Variants in CACNA2D3 observed in about 807,000 individuals in gnomAD.
CACNA2D3 encodes calcium voltage-gated channel auxiliary subunit alpha2delta 3.
CACNA2D3 carries 60 observed loss-of-function variants against 160.6 expected under a neutral mutation model. That is an observed-to-expected ratio of 0.37 (90% confidence interval 0.30 to 0.46). The LOEUF is 0.46. Ranked by LOEUF, CACNA2D3 falls within the 20% of genes least tolerant of loss-of-function variation. The probability of loss-of-function intolerance (pLI) is 1.00; values close to 1 mark genes in which losing one functional copy is unlikely to be tolerated. For missense variants in CACNA2D3, 1,205 were observed against 1,365.0 expected (o/e 0.88, Z 1.85); for synonymous variants, 558 against 492.9 (o/e 1.13, Z -1.75).
intron 2 of CACNA2D3, among the ~76,000 whole-genome samples, chr3:54,277,924 C>G (rs1702783788): frequency 6.6e-6 from 1 of 152,072 alleles, no homozygotes; most frequent in Non-Finnish European, 1.5e-5. Context: ...ATTTGGCTCT[C>G]TATTATTGGT....
chr3:54,763,778 T>TGCATATATATAC lies in CACNA2D3; in HGVS notation c.1247-440_1247-439insGCATATATATAC, dbSNP rs1484587702. On this transcript the variant is annotated intron_variant, in intron 12 of 37. Coordinates refer to ENST00000474759, the MANE Select transcript of CACNA2D3 (RefSeq NM_018398.3). Reference sequence around the variant, plus strand: ...ATATACACATATATATGTATATATGTACATATATATGTATATATATGTACA... The same window carrying TGCATATATATAC: ...ATATACACATATATATGTATATATGTGCATATATATACACATATATATGTATATATATGTACA... Among the ~76,000 whole-genome samples the TGCATATATATAC allele has an allele frequency of 5.0e-3, 120 of 23,822 alleles. 18 individuals carry two copies. Among genetic ancestry groups the TGCATATATATAC allele is most frequent in the South Asian group, 0.026 (25 of 974 alleles). The allele number at this position is 23,822 out of a possible 152,430, so 15.6% of individuals were successfully genotyped here.
chr3:54,741,363 A>G (rs1001522746), intron 11 of CACNA2D3, among the ~76,000 whole-genome samples: 2 of 152,308 alleles, frequency 1.3e-5, no homozygotes, highest in Admixed American at 1.3e-4. Flanking sequence ...CTGCCCCTCA[A>G]GTCCCAAACA....
intron 35 of CACNA2D3, among the ~76,000 whole-genome samples, chr3:55,052,645 G>A (rs1704255719): frequency 1.3e-5 from 2 of 151,896 alleles, no homozygotes; most frequent in East Asian, 3.9e-4. Flanking sequence ...TTCATTTTTG[G>A]TCTCATTTAT....
chr3:54,130,704 G>A (rs1335788802), intron 2 of CACNA2D3, among the ~76,000 whole-genome samples: 2 of 152,184 alleles, frequency 1.3e-5, no homozygotes, highest in African/African-American at 2.4e-5. Context: ...ATATTTTCTT[G>A]TCTTTGCGTG....
At chr3:54,680,800 G>A (rs1700331933) in intron 11 of CACNA2D3, among the ~76,000 whole-genome samples, 4 of 152,144 alleles carry the variant, frequency 2.6e-5, no homozygotes, top group Admixed American at 2.6e-4. Context: ...TAGCTATGTT[G>A]CTGCATTTTG....
chr3:55,066,628 T>A (rs907350884), intron 35 of CACNA2D3, among the ~76,000 whole-genome samples: 1 of 152,160 alleles, frequency 6.6e-6, no homozygotes, highest in Non-Finnish European at 1.5e-5. Flanking sequence ...GAGGCTGTCT[T>A]GAAATCGCAT....
Position 54,768,353 on chromosome 3 carries a change from T to C in CACNA2D3, c.1380+4002T>C, listed in dbSNP as rs562855654. 2.0e-5 allele frequency among the ~76,000 whole-genome samples: 3 copies of C among 152,306 alleles called. No homozygotes were observed. The South Asian group carries it at 6.2e-4, about 32-fold the overall frequency. On this transcript the variant is annotated intron_variant, in intron 13 of 37. Coordinates refer to ENST00000474759, the MANE Select transcript of CACNA2D3 (RefSeq NM_018398.3). ...ATGTATTGTTTTGACCAGGGACACA[T>C]AACCTGATGCTCACGGCAGATATAA...
intron 4 of CACNA2D3, among the ~76,000 whole-genome samples, chr3:54,484,621 T>C (rs958941141): frequency 2.0e-5 from 3 of 152,210 alleles, no homozygotes; most frequent in African/African-American, 7.2e-5. Flanking sequence ...GTGAGAACAT[T>C]CTAAATGGCA....
intron 4 of CACNA2D3, among the ~76,000 whole-genome samples, chr3:54,467,325 A>G (rs1005808613): frequency 2.0e-5 from 3 of 152,220 alleles, no homozygotes; most frequent in South Asian, 4.1e-4. Context: ...GGAACTGGGA[A>G]GAGTCTTGGA....
chr3:54,147,716 T>C (rs1180764438), intron 2 of CACNA2D3, among the ~76,000 whole-genome samples: 2 of 152,256 alleles, frequency 1.3e-5, no homozygotes, highest in African/African-American at 4.8e-5. Context: ...AGCCCTGTAT[T>C]ACTGTTTGCT....
intron 13 of CACNA2D3, among the ~76,000 whole-genome samples, chr3:54,772,328 A>G (rs1418046200): frequency 1.3e-5 from 2 of 151,940 alleles, no homozygotes; most frequent in Non-Finnish European, 2.9e-5. Context: ...TAATGCTTAA[A>G]TAAATAGCTT....
At chr3:54,625,340 G>A (rs938055315) in intron 9 of CACNA2D3, among the ~76,000 whole-genome samples, 3 of 152,248 alleles carry the variant, frequency 2.0e-5, no homozygotes, top group African/African-American at 7.2e-5. Flanking sequence ...ATAGCAGAAA[G>A]AAGAAGGGCA....
Position 54,512,463 on chromosome 3 carries a change from C to T in CACNA2D3, c.544+8809C>T, listed in dbSNP as rs11921167. 7.6e-3 allele frequency among the ~76,000 whole-genome samples: 1,152 copies of T among 152,316 alleles called. 11 individuals carry two copies. Among genetic ancestry groups the T allele is most frequent in the African/African-American group, 0.025 (1,047 of 41,566 alleles). ...AATGATGATAGTGACACCGGGTCCC[C>T]CACAGTGGCATGGCTTATGCCTGGG... is the stretch of plus-strand genomic sequence containing the variant. On this transcript the variant is annotated intron_variant, in intron 5 of 37. Coordinates refer to ENST00000474759, the MANE Select transcript of CACNA2D3 (RefSeq NM_018398.3).
intron 11 of CACNA2D3, among the ~76,000 whole-genome samples, chr3:54,751,032 A>C (rs571792076): frequency 1.1e-4 from 16 of 152,154 alleles, no homozygotes; most frequent in African/African-American, 3.9e-4. Context: ...GGCCTCCCAA[A>C]GTACTGGGAG....
At chr3:54,408,776 G>A (rs751916239) in intron 4 of CACNA2D3, among the ~76,000 whole-genome samples, 4 of 152,030 alleles carry the variant, frequency 2.6e-5, no homozygotes, top group East Asian at 1.9e-4. Flanking sequence ...TTGCTTCTTC[G>A]ATGATGCTTA....
chr3:54,804,203 C>A (rs1046645788), intron 13 of CACNA2D3, among the ~76,000 whole-genome samples: 7 of 151,436 alleles, frequency 4.6e-5, no homozygotes, highest in African/African-American at 1.7e-4. Flanking sequence ...TCACACATAA[C>A]AATATTAACT....
intron 4 of CACNA2D3, among the ~76,000 whole-genome samples, chr3:54,460,198 C>T (rs2106839439): frequency 6.6e-6 from 1 of 151,862 alleles, no homozygotes; most frequent in East Asian, 1.9e-4. Flanking sequence ...AGTTTGAAGT[C>T]AGGTAGCGTG....
intron 27 of CACNA2D3, among the ~76,000 whole-genome samples, chr3:54,929,000 TAAAAC>T (rs1407320637): frequency 5.3e-5 from 8 of 152,154 alleles, no homozygotes; most frequent in Non-Finnish European, 7.4e-5. Context: ...CCCTTCTAGA[TAAAAC>T]AAAATGTTCT....
At chr3:55,069,713 C>A (rs1242629466) in intron 35 of CACNA2D3, among the ~76,000 whole-genome samples, 2 of 152,134 alleles carry the variant, frequency 1.3e-5, no homozygotes, top group East Asian at 3.9e-4. Context: ...GGGGTAGATT[C>A]TCAATGAGCA....
Sources: allele counts gnomAD v4.1 joint callset (sites outside exome capture counted in the v4.1 genomes callset), GRCh38; gene constraint gnomAD v4.1.1; transcripts MANE v1.5; gene names NCBI Gene and HGNC (gene_info 2026-07-23, HGNC 2026-07-21).